The following ERBB4 variants were observed in gnomAD, a reference collection of about 807,000 sequenced individuals.
ERBB4 encodes receptor tyrosine-protein kinase erbB-4.
A neutral mutation model predicts 158.0 loss-of-function variants in ERBB4; 42 were observed. That is an observed-to-expected ratio of 0.27 (90% CI 0.21 to 0.34). The LOEUF (loss-of-function observed/expected upper bound fraction) is 0.34. Among genes scored for constraint, ERBB4 ranks in the 10% least tolerant of loss-of-function variants. The pLI is 1.00. For missense variants in ERBB4, 1,333 were observed against 1,624.1 expected (o/e 0.82, Z 3.08); for synonymous variants, 583 against 558.7 (o/e 1.04, Z -0.61).
intron 12 of ERBB4, among the ~76,000 whole-genome samples, chr2:211,692,226 G>T (rs1161648163): frequency 1.3e-5 from 2 of 152,164 alleles, no homozygotes; most frequent in East Asian, 3.9e-4. Context: ...TAAGAGGAAA[G>T]CAGAGTGAAG....
At chr2:211,852,038 T>G (rs1461444435) in intron 3 of ERBB4, among the ~76,000 whole-genome samples, 1 of 151,944 alleles carries the variant, frequency 6.6e-6, no homozygotes. Context: ...TATATCACTA[T>G]TGTCATTATC....
chr2:212,205,250 T>C (rs1257666244), intron 1 of ERBB4, among the ~76,000 whole-genome samples: 1 of 152,096 alleles, frequency 6.6e-6, no homozygotes, highest in East Asian at 1.9e-4. Context: ...AGTCTCTGCC[T>C]CCTGGGTTCA....
chr2:211,791,382 T>C (rs6435671), intron 3 of ERBB4, among the ~76,000 whole-genome samples: 121,425 of 151,742 alleles, frequency 0.8, 49,071 homozygotes, highest in African/African-American at 0.9. Context: ...ACCTGTGTTA[T>C]ACCAACCAAC....
At chr2:211,915,186 GT>G (rs1267524393) in intron 3 of ERBB4, among the ~76,000 whole-genome samples, 1 of 152,026 alleles carries the variant, frequency 6.6e-6, no homozygotes, top group African/African-American at 2.4e-5. Context: ...AATACTTGAG[GT>G]TCTAATATTA....
At chr2:212,101,481 A>G (rs1228634828) in intron 2 of ERBB4, among the ~76,000 whole-genome samples, 9 of 151,566 alleles carry the variant, frequency 5.9e-5, no homozygotes, top group African/African-American at 1.5e-4. Flanking sequence ...CTTAAAAGAT[A>G]ATGTATTAGG....
intron 1 of ERBB4, among the ~76,000 whole-genome samples, chr2:212,203,534 T>C (rs950139988): frequency 6.6e-6 from 1 of 152,176 alleles, no homozygotes; most frequent in Non-Finnish European, 1.5e-5. Context: ...TGGGAAAGTT[T>C]TGAAAATAAG....
intron 1 of ERBB4, among the ~76,000 whole-genome samples, chr2:212,287,675 T>A (rs1176830068): frequency 6.6e-6 from 1 of 151,976 alleles, no homozygotes; most frequent in Non-Finnish European, 1.5e-5. Flanking sequence ...TGAAAAAAAA[T>A]AACTGCTTTG....
At chr2:211,786,897 A>G (rs941149686) in intron 4 of ERBB4, among the ~76,000 whole-genome samples, 1 of 152,226 alleles carries the variant, frequency 6.6e-6, no homozygotes, top group Non-Finnish European at 1.5e-5. Flanking sequence ...ATGTAATTTT[A>G]CAAAGTAGGC....
intron 21 of ERBB4, among the ~76,000 whole-genome samples, chr2:211,430,134 A>G (rs928492740): frequency 2.0e-5 from 3 of 152,148 alleles, no homozygotes; most frequent in African/African-American, 7.2e-5. Flanking sequence ...GATGGCCCAT[A>G]TGATAAATAA....
Position 212,286,342 on chromosome 2 carries a change from A to C in ERBB4, c.83-161439T>G, listed in dbSNP as rs552420939. On this transcript the variant is annotated intron_variant, in intron 1 of 27. Transcript: ENST00000342788. ...TGATTCATAATAAGTATATTGAACG[A>C]ATTTGAAATTCAGTGAACACATCAA... is the stretch of plus-strand genomic sequence containing the variant. 7.3e-4 allele frequency among the ~76,000 whole-genome samples: 111 copies of C among 152,154 alleles called. 6 individuals carry two copies. Among genetic ancestry groups the C allele is most frequent in the Non-Finnish European group, 8.8e-5 (6 of 68,032 alleles).
chr2:212,005,618 T>C (rs1002972184), intron 2 of ERBB4, among the ~76,000 whole-genome samples: 2 of 152,118 alleles, frequency 1.3e-5, no homozygotes, highest in African/African-American at 4.8e-5. Flanking sequence ...ATACATAAGC[T>C]TCAGGTAAAA....
intron 4 of ERBB4, among the ~76,000 whole-genome samples, chr2:211,785,087 C>A (rs1239662006): frequency 6.6e-6 from 1 of 150,416 alleles, no homozygotes; most frequent in Non-Finnish European, 1.5e-5. Context: ...CCTTTTGATG[C>A]ACAGCCTTTT....
intron 4 of ERBB4, among the ~76,000 whole-genome samples, chr2:211,785,399 C>T (rs1239585364): frequency 6.6e-6 from 1 of 152,210 alleles, no homozygotes; most frequent in Non-Finnish European, 1.5e-5. Flanking sequence ...CCGCCCCCAG[C>T]CGCACAGACG....
intron 3 of ERBB4, among the ~76,000 whole-genome samples, chr2:211,894,637 C>G (rs913693904): frequency 1.3e-5 from 2 of 152,212 alleles, no homozygotes; most frequent in African/African-American, 4.8e-5. Context: ...AAAAAATACG[C>G]TAATAGAGTT....
At chr2:211,552,337 A>C (rs2067120156) in intron 20 of ERBB4, among the ~76,000 whole-genome samples, 1 of 151,534 alleles carries the variant, frequency 6.6e-6, no homozygotes, top group Non-Finnish European at 1.5e-5. Context: ...AAATACACTG[A>C]AAAATTCTTT....
intron 20 of ERBB4, among the ~76,000 whole-genome samples, chr2:211,522,832 T>TA (rs2125641971): frequency 1.3e-5 from 2 of 152,238 alleles, no homozygotes; most frequent in South Asian, 4.1e-4. Context: ...GCAAATTTAT[T>TA]AGACTACAGT....
intron 2 of ERBB4, among the ~76,000 whole-genome samples, chr2:211,952,529 T>A (rs978081108): frequency 6.6e-6 from 1 of 152,074 alleles, no homozygotes; most frequent in African/African-American, 2.4e-5. Flanking sequence ...TCCACTGTTT[T>A]AGAAAATTTT....
At chr2:212,449,718 AC>A (rs1209258587) in intron 1 of ERBB4, among the ~76,000 whole-genome samples, 6 of 152,142 alleles carry the variant, frequency 3.9e-5, no homozygotes, top group Non-Finnish European at 8.8e-5. Flanking sequence ...AATTCTGTTC[AC>A]TGATCCATGA....
chr2:211,425,855 G>A lies in ERBB4; in HGVS notation c.2720-1554C>T, dbSNP rs1002118391. Among the ~76,000 whole-genome samples, 11 of 151,752 alleles carry A rather than the reference G, an allele frequency of 7.2e-5. No homozygotes were observed. The East Asian group carries it at 7.8e-4, about 11-fold the overall frequency. ...GAGCCACCATGCCTGGCTGATTTTC[G>A]TATTTTTTAGTAGATAAAGGGTTTC... On this transcript the variant is annotated intron_variant, in intron 22 of 27. Transcript: ENST00000342788.
Sources: gnomAD v4.1 joint callset for allele counts (sites outside exome capture counted in the v4.1 genomes callset) on GRCh38, gnomAD v4.1.1 for gene constraint, MANE v1.5 for transcripts, NCBI Gene and HGNC (gene_info 2026-07-23, HGNC 2026-07-21) for gene names.